The following GDPD4 variants were observed in gnomAD, a reference collection of about 807,000 sequenced individuals.
The protein encoded by GDPD4 is glycerophosphodiester phosphodiesterase domain containing 4, also known as glycerophosphodiester phosphodiesterase 6.
A neutral mutation model predicts 67.8 loss-of-function variants in GDPD4; 60 were observed. The ratio of observed to expected loss-of-function variants is 0.88; its 90% CI spans 0.72 to 1.10. The LOEUF is 1.10. Among genes scored for constraint, GDPD4 ranks in the 50% least tolerant of loss-of-function variants. The probability of loss-of-function intolerance (pLI) is 0.00; values close to 1 mark genes in which losing one functional copy is unlikely to be tolerated. For synonymous variants in GDPD4, 212 were observed against 210.9 expected, an observed-to-expected ratio of 1.00 and a Z score of -0.04; for missense variants, 623 against 613.9, an observed-to-expected ratio of 1.01 and a Z score of -0.16.
intron 10 of GDPD4, among the ~76,000 whole-genome samples, chr11:77,259,599 T>A (rs1222481380): frequency 6.7e-6 from 1 of 149,740 alleles, no homozygotes; most frequent in African/African-American, 2.5e-5. Flanking sequence ...AGCAATTCCA[T>A]CGCCCAGGCT....
At chr11:77,221,887 A>C (rs953675540) in intron 16 of GDPD4, among the ~76,000 whole-genome samples, 1 of 150,628 alleles carries the variant, frequency 6.6e-6, no homozygotes, top group Non-Finnish European at 1.5e-5. Context: ...GTAGGTCACT[A>C]AGGACTTGCT....
At chr11:77,256,861 T>C (rs1402810245) in intron 11 of GDPD4, among the ~76,000 whole-genome samples, 1 of 152,220 alleles carries the variant, frequency 6.6e-6, no homozygotes, top group Admixed American at 6.5e-5. Flanking sequence ...ATCATGCTTG[T>C]AGAGCATGTA....
intron 6 of GDPD4, 23 bp from the exon 7 acceptor site, chr11:77,271,246 G>A: frequency 6.2e-7 from 1 of 1,608,438 alleles, no homozygotes; most frequent in Non-Finnish European, 8.5e-7. Flanking sequence ...CAAAAGTCAG[G>A]CTGGATACAT....
intron 1 of GDPD4, among the ~76,000 whole-genome samples, chr11:77,300,202 G>C (rs1257620312): frequency 6.6e-6 from 1 of 151,596 alleles, no homozygotes; most frequent in Non-Finnish European, 1.5e-5. Flanking sequence ...CACTCACCCC[G>C]TCACTCTCTC....
chr11:77,229,070 G>T, intron 15 of GDPD4, 80 bp downstream of exon 15: 1 of 663,912 alleles, frequency 1.5e-6, no homozygotes, highest in Non-Finnish European at 2.5e-6. Flanking sequence ...CGGGAAGAGC[G>T]TAACTCTTAT....
At chr11:77,228,094 G>A (rs1189600837) in intron 15 of GDPD4, among the ~76,000 whole-genome samples, 178 bp from the exon 16 acceptor site, 1 of 152,202 alleles carries the variant, frequency 6.6e-6, no homozygotes, top group African/African-American at 2.4e-5. Flanking sequence ...TTATGGGCGA[G>A]GCACGGTGGC....
At chr11:77,217,434 C>T (rs1240375862) in intron 16 of GDPD4, 120 bp from the exon 17 acceptor site, 5 of 833,468 alleles carry the variant, frequency 6.0e-6, no homozygotes, top group African/African-American at 3.3e-5. Flanking sequence ...CAGGTTCTTT[C>T]CTCCAAGCTC....
At chr11:77,258,626 C>T in intron 10 of GDPD4, 84 bp from the exon 11 acceptor site, 2 of 1,269,074 alleles carry the variant, frequency 1.6e-6, no homozygotes, top group Non-Finnish European at 1.1e-6. Context: ...GACAGTCCTT[C>T]AAGGTCACAA....
intron 11 of GDPD4, 93 bp from the exon 12 acceptor site, chr11:77,245,595 A>G (rs1958766380): frequency 1.3e-6 from 1 of 780,546 alleles, no homozygotes; most frequent in African/African-American, 1.7e-5. Flanking sequence ...TTGCTCCATT[A>G]TCATTCAATC....
chr11:77,271,435 G>T, intron 5 of GDPD4, 42 bp from the exon 6 acceptor site: 2 of 1,210,496 alleles, frequency 1.7e-6, no homozygotes, highest in Non-Finnish European at 2.5e-6. Flanking sequence ...CAAGCACTAG[G>T]CTTGGATCAG....
chr11:77,286,724 T>C (rs1156942650), intron 2 of GDPD4, among the ~76,000 whole-genome samples: 1 of 152,206 alleles, frequency 6.6e-6, no homozygotes, highest in East Asian at 1.9e-4. Flanking sequence ...AAAAGGCTAG[T>C]CCACGTGCCA....
At chr11:77,289,594 G>A (rs1423211884) in intron 1 of GDPD4, among the ~76,000 whole-genome samples, 1 of 151,524 alleles carries the variant, frequency 6.6e-6, no homozygotes. Flanking sequence ...AGCCATGCAT[G>A]GTAGTGCACA....
In GDPD4 at chr11:77,263,085, G is replaced by A. The variant is rs183843369; in HGVS notation, c.708-4543C>T. ...AAATATTTCATACAAACAAAAAGCAGAATAATTCATTTCCAGCATACCTTT... is the reference window on the plus strand; with the variant it reads ...AAATATTTCATACAAACAAAAAGCAAAATAATTCATTTCCAGCATACCTTT... On this transcript the variant is annotated intron_variant, in intron 10 of 16. Transcript: ENST00000315938. Among the ~76,000 whole-genome samples, 377 of 151,734 alleles carry A rather than the reference G, an allele frequency of 2.5e-3. 1 individual carries two copies. Among genetic ancestry groups the A allele is most frequent in the Non-Finnish European group, 3.4e-3 (229 of 67,906 alleles).
At chr11:77,296,177 GGAGGTGGAGCTTGCAGT>G (rs1937950674) in intron 1 of GDPD4, among the ~76,000 whole-genome samples, 1 of 149,606 alleles carries the variant, frequency 6.7e-6, no homozygotes, top group Non-Finnish European at 1.5e-5. Context: ...CGTGAACCTG[GGAGGTGGAGCTTGCAGT>G]GAGCAGAGAT....
intron 16 of GDPD4, among the ~76,000 whole-genome samples, chr11:77,223,410 G>A (rs1179736681): frequency 6.6e-6 from 1 of 152,112 alleles, no homozygotes. Flanking sequence ...ATTCCTTTCT[G>A]TTTGTTAGTT....
intron 11 of GDPD4, among the ~76,000 whole-genome samples, chr11:77,257,347 G>T (rs1396951497): frequency 6.6e-6 from 1 of 152,048 alleles, no homozygotes; most frequent in Non-Finnish European, 1.5e-5. Context: ...TGAGAAAGTA[G>T]GCTTGACCTT....
chr11:77,261,449 G>C (rs144014379), intron 10 of GDPD4, among the ~76,000 whole-genome samples: 3,690 of 151,784 alleles, frequency 0.024, 161 homozygotes, highest in African/African-American at 0.085. Context: ...TGTTGGCCAG[G>C]CTGGTCTCGA....
chr11:77,254,258 G>A (rs1180462457), intron 11 of GDPD4, among the ~76,000 whole-genome samples: 1 of 152,106 alleles, frequency 6.6e-6, no homozygotes, highest in Non-Finnish European at 1.5e-5. Context: ...GGGGGCTGCT[G>A]GGATCCTCTT....
At chr11:77,275,890 A>G (rs1959442943) in intron 5 of GDPD4, among the ~76,000 whole-genome samples, 2 of 152,352 alleles carry the variant, frequency 1.3e-5, no homozygotes, top group South Asian at 4.1e-4. Context: ...GAATGGGAAG[A>G]ACAGGGCTAC....
Sources: gnomAD v4.1 joint callset for allele counts (sites outside exome capture counted in the v4.1 genomes callset) on GRCh38, gnomAD v4.1.1 for gene constraint, MANE v1.5 for transcripts, NCBI Gene and HGNC (gene_info 2026-07-23, HGNC 2026-07-21) for gene names.